SPMIP4: variants seen among roughly 807,000 people sequenced by gnomAD.
SPMIP4 encodes sperm microtubule inner protein 4.
the SPMIP4 span, among the ~76,000 whole-genome samples, chr7:25,127,364 C>G: frequency 6.6e-6 from 1 of 152,022 alleles, no homozygotes; most frequent in Non-Finnish European, 1.5e-5. Context: ...ATAGGTGTAC[C>G]TCATTCATTT....
At chr7:25,139,611 G>A in the SPMIP4 span, among the ~76,000 whole-genome samples, 1 of 152,162 alleles carries the variant, frequency 6.6e-6, no homozygotes, top group Non-Finnish European at 1.5e-5. Context: ...TTCATAGTCA[G>A]AGAAATTTCC....
At chr7:25,161,084 G>A in the SPMIP4 span, 9 of 599,916 alleles carry the variant, frequency 1.5e-5, no homozygotes, top group South Asian at 2.5e-5. Context: ...GAAATAATTT[G>A]TTTCTCTAAA....
At chr7:25,161,215 T>G in the SPMIP4 span, 2 of 1,565,564 alleles carry the variant, frequency 1.3e-6, no homozygotes, top group Non-Finnish European at 1.7e-6. Flanking sequence ...AGACATCACT[T>G]TTTTTGTTCT....
At chr7:25,136,870 A>G in the SPMIP4 span, 74 of 1,399,272 alleles carry the variant, frequency 5.3e-5, no homozygotes, top group Non-Finnish European at 6.7e-5. This position sits in a 1 kb window ranked among gnomAD's most constrained non-coding sequence, Gnocchi z 5.7. Context: ...AGTCATACCC[A>G]TTTTCATTGT....
the SPMIP4 span, chr7:25,136,853 G>C: frequency 6.6e-7 from 1 of 1,514,642 alleles, no homozygotes; most frequent in Non-Finnish European, 9.0e-7. This position sits in a 1 kb window ranked among gnomAD's most constrained non-coding sequence, Gnocchi z 5.7. Context: ...ACAAATGGTA[G>C]GTCAAAAGTC....
chr7:25,175,750 C>A, the SPMIP4 span, among the ~76,000 whole-genome samples: 1 of 152,134 alleles, frequency 6.6e-6, no homozygotes, highest in Non-Finnish European at 1.5e-5. Flanking sequence ...TGTTGAGATA[C>A]CTTGTGATTC....
the SPMIP4 span, chr7:25,134,698 T>C: frequency 4.1e-6 from 4 of 985,494 alleles, no homozygotes; most frequent in Non-Finnish European, 3.6e-6. Context: ...CAAATTTTTA[T>C]ACTGGAGAGT....
At chr7:25,179,270 C>T in the SPMIP4 span, 86 of 1,613,456 alleles carry the variant, frequency 5.3e-5, no homozygotes, top group Non-Finnish European at 7.1e-5. Context: ...CTCCTTCAAG[C>T]TCCCTGCAAC....
chr7:25,135,671 A>G, the SPMIP4 span: 6 of 864,732 alleles, frequency 6.9e-6, no homozygotes, highest in Non-Finnish European at 8.6e-6. Context: ...TGTTGTACAC[A>G]TTGCTTTTTG....
the SPMIP4 span, among the ~76,000 whole-genome samples, chr7:25,131,228 C>T: frequency 6.6e-6 from 1 of 152,210 alleles, no homozygotes; most frequent in Non-Finnish European, 1.5e-5. The surrounding 1 kb of genome is among the most constrained non-coding windows in gnomAD (Gnocchi z 4.2). Context: ...TCTCCCATCA[C>T]CCCCACATGG....
chr7:25,139,404 AT>A, the SPMIP4 span, among the ~76,000 whole-genome samples: 67 of 148,248 alleles, frequency 4.5e-4, no homozygotes, highest in Middle Eastern at 3.5e-3. Flanking sequence ...TTAATTATAC[AT>A]TTTTTTTTTT....
At chr7:25,135,856 C>T in the SPMIP4 span, 1 of 1,428,768 alleles carries the variant, frequency 7.0e-7, no homozygotes, top group Non-Finnish European at 9.2e-7. Context: ...GTAAACCTCA[C>T]TAACAAGGTC....
the SPMIP4 span, among the ~76,000 whole-genome samples, chr7:25,149,312 A>G: frequency 6.6e-6 from 1 of 152,218 alleles, no homozygotes; most frequent in African/African-American, 2.4e-5. Context: ...TTAAATGACA[A>G]AAGGCAGGAA....
chr7:25,135,240 G>A, the SPMIP4 span: 1 of 763,526 alleles, frequency 1.3e-6, no homozygotes, highest in Admixed American at 6.3e-5. Flanking sequence ...CTCACCAGTT[G>A]CTAATTAAGG....
chr7:25,146,876 T>A, the SPMIP4 span, among the ~76,000 whole-genome samples: 3 of 152,206 alleles, frequency 2.0e-5, no homozygotes, highest in Non-Finnish European at 4.4e-5. Flanking sequence ...CAAGGTAGAT[T>A]ACATCCTAGA....
chr7:25,169,156 A>G, the SPMIP4 span, among the ~76,000 whole-genome samples: 2 of 152,242 alleles, frequency 1.3e-5, no homozygotes, highest in South Asian at 4.1e-4. Context: ...TTGGGAGGCC[A>G]AGGCAGGAGG....
chr7:25,136,546 A>G, the SPMIP4 span: 1 of 1,614,194 alleles, frequency 6.2e-7, no homozygotes, highest in Non-Finnish European at 8.5e-7. The surrounding 1 kb of genome is among the most constrained non-coding windows in gnomAD (Gnocchi z 5.7). Context: ...CTGTTCTTCT[A>G]TGATCTTCTC....
At chr7:25,156,562 C>T in the SPMIP4 span, among the ~76,000 whole-genome samples, 1 of 152,264 alleles carries the variant, frequency 6.6e-6, no homozygotes, top group East Asian at 1.9e-4. Context: ...TTTTAAATGG[C>T]AGCTTAATAA....
the SPMIP4 span, chr7:25,155,011 C>T: frequency 2.4e-5 from 38 of 1,610,726 alleles, no homozygotes; most frequent in South Asian, 3.3e-4. Flanking sequence ...CACATTTTAC[C>T]TCTTGTCTTC....
Sources: gnomAD v4.1 joint callset for allele counts (sites outside exome capture counted in the v4.1 genomes callset) on GRCh38, gnomAD v4.1.1 for gene constraint, Gnocchi (gnomAD v3.1) non-coding constraint, MANE v1.5 for transcripts, NCBI Gene and HGNC (gene_info 2026-07-23, HGNC 2026-07-21) for gene names.